The following SAE1 variants were observed in gnomAD, a reference collection of about 807,000 sequenced individuals.
SAE1 encodes SUMO1 activating enzyme subunit 1, also known as SUMO-activating enzyme subunit 1.
SAE1 carries 11 observed loss-of-function variants against 40.6 expected under a neutral mutation model. The ratio of observed to expected loss-of-function variants is 0.27; its 90% CI spans 0.17 to 0.45. The LOEUF (loss-of-function observed/expected upper bound fraction) is 0.45, where lower values mean the gene tolerates loss of function less well. Ranked by LOEUF, SAE1 falls within the 20% of genes least tolerant of loss-of-function variation. The pLI is 1.00. For synonymous variants in SAE1, 155 were observed against 154.3 expected (o/e 1.00, Z -0.03); for missense variants, 373 against 427.3 (o/e 0.87, Z 1.12).
At chr19:47,182,700 C>T (rs544944204) in intron 6 of SAE1, among the ~76,000 whole-genome samples, 6 of 152,044 alleles carry the variant, frequency 3.9e-5, no homozygotes, top group Admixed American at 6.6e-5. Context: ...CTCTGCTCCT[C>T]GGTCTGCAAG....
rs576513685 is a variant in SAE1 at position 47,161,353 on chromosome 19, T to C, written c.627+6140T>C. ...GACATTTAATGCACAAAAGAAGATA[T>C]GCAGCATCAATGCAGATAATGGAAC... On this transcript the variant is annotated intron_variant, in intron 5 of 8. Coordinates refer to ENST00000270225, the MANE Select transcript of SAE1 (RefSeq NM_005500.3). Among the ~76,000 whole-genome samples, 183 of 152,228 alleles carry C rather than the reference T, an allele frequency of 1.2e-3. 1 individual carries two copies. Among genetic ancestry groups the C allele is most frequent in the African/African-American group, 4.2e-3 (175 of 41,558 alleles).
chr19:47,195,109 C>A (rs1004385603), intron 6 of SAE1, among the ~76,000 whole-genome samples: 10 of 148,782 alleles, frequency 6.7e-5, no homozygotes, highest in Admixed American at 6.1e-4. Flanking sequence ...GGCTGGAGTT[C>A]AGTGGCACGA....
At chr19:47,197,616 A>G (rs771495508) in intron 7 of SAE1, among the ~76,000 whole-genome samples, 33 of 152,206 alleles carry the variant, frequency 2.2e-4, no homozygotes, top group Non-Finnish European at 3.5e-4. Context: ...ATTCAAGGCA[A>G]TGTAAGATCT....
At chr19:47,194,900 G>C (rs1436667027) in intron 6 of SAE1, among the ~76,000 whole-genome samples, 1 of 151,862 alleles carries the variant, frequency 6.6e-6, no homozygotes, top group Non-Finnish European at 1.5e-5. Context: ...GCGCCACCAC[G>C]CCTGGCTAAT....
At chr19:47,174,045 A>G (rs1371614488) in intron 6 of SAE1, among the ~76,000 whole-genome samples, 1 of 151,784 alleles carries the variant, frequency 6.6e-6, no homozygotes, top group African/African-American at 2.4e-5. Context: ...CGGCCTCCCA[A>G]AGTGCTGGGA....
intron 8 of SAE1, among the ~76,000 whole-genome samples, chr19:47,206,971 C>T (rs1396944074): frequency 6.6e-6 from 1 of 152,210 alleles, no homozygotes; most frequent in Non-Finnish European, 1.5e-5. Flanking sequence ...TAATGTCTAG[C>T]TGAATACCTG....
At chr19:47,133,788 GAT>G (rs1459126421) in intron 1 of SAE1, among the ~76,000 whole-genome samples, 1 of 152,064 alleles carries the variant, frequency 6.6e-6, no homozygotes, top group East Asian at 1.9e-4. Context: ...CATTTTGAAA[GAT>G]ATGGAGAGCT....
At chr19:47,140,439 A>G (rs1017873911) in intron 1 of SAE1, among the ~76,000 whole-genome samples, 1 of 151,976 alleles carries the variant, frequency 6.6e-6, no homozygotes, top group Middle Eastern at 3.4e-3. Context: ...TTTAGTAGAG[A>G]TGGGGTTTCA....
chr19:47,196,170 C>T (rs1277099751), intron 6 of SAE1, among the ~76,000 whole-genome samples: 3 of 150,398 alleles, frequency 2.0e-5, no homozygotes, highest in African/African-American at 7.3e-5. Flanking sequence ...CTCAGCCTTC[C>T]GAGTAGCTGG....
intron 6 of SAE1, among the ~76,000 whole-genome samples, chr19:47,196,171 G>A (rs1194681434): frequency 4.0e-5 from 6 of 148,520 alleles, no homozygotes; most frequent in South Asian, 2.2e-4. Context: ...TCAGCCTTCC[G>A]AGTAGCTGGG....
chr19:47,139,755 AT>A (rs780524600), intron 1 of SAE1, among the ~76,000 whole-genome samples: 1,805 of 125,124 alleles, frequency 0.014, 20 homozygotes, highest in African/African-American at 0.033. Context: ...CTCCCGGCCA[AT>A]TTTTTTTTTT....
intron 5 of SAE1, among the ~76,000 whole-genome samples, chr19:47,160,586 G>A (rs554256430): frequency 6.6e-6 from 1 of 151,966 alleles, no homozygotes; most frequent in South Asian, 2.1e-4. Flanking sequence ...TAGTAGAGAT[G>A]GGGTTTCACC....
intron 6 of SAE1, among the ~76,000 whole-genome samples, chr19:47,196,902 G>A (rs556541332): frequency 2.6e-5 from 4 of 152,036 alleles, no homozygotes; most frequent in Non-Finnish European, 4.4e-5. Context: ...AAAAAAGGTG[G>A]CCAGGTGCCG....
At chr19:47,192,993 T>C (rs2058589003) in intron 6 of SAE1, among the ~76,000 whole-genome samples, 1 of 151,690 alleles carries the variant, frequency 6.6e-6, no homozygotes, top group Non-Finnish European at 1.5e-5. Context: ...TCTACAAAAG[T>C]AGAAGTATTG....
At chr19:47,197,204 A>G in intron 6 of SAE1, 29 bp from the exon 7 acceptor site, 6 of 1,568,806 alleles carry the variant, frequency 3.8e-6, no homozygotes, top group South Asian at 3.6e-5. Context: ...AAGTGGCTTT[A>G]TAACCTGCCT....
chr19:47,191,676 A>G (rs1223417608), intron 6 of SAE1, among the ~76,000 whole-genome samples: 1 of 152,172 alleles, frequency 6.6e-6, no homozygotes, highest in African/African-American at 2.4e-5. Context: ...CACAAGCACC[A>G]ACTGTCACAA....
At chr19:47,205,315 G>A (rs1169494456) in intron 8 of SAE1, among the ~76,000 whole-genome samples, 1 of 126,946 alleles carries the variant, frequency 7.9e-6, no homozygotes, top group Non-Finnish European at 1.6e-5. Context: ...GTTTTCCTAA[G>A]GCTACTTTTT....
intron 5 of SAE1, among the ~76,000 whole-genome samples, chr19:47,161,817 G>A (rs1172418891): frequency 6.6e-6 from 1 of 152,130 alleles, no homozygotes; most frequent in Non-Finnish European, 1.5e-5. Context: ...GCAACACATA[G>A]AATTGCTTTG....
chr19:47,142,816 T>G (rs2058230147), intron 1 of SAE1, among the ~76,000 whole-genome samples: 1 of 152,224 alleles, frequency 6.6e-6, no homozygotes, highest in Non-Finnish European at 1.5e-5. Context: ...CAGAAAGGCT[T>G]GTATGATTTC....
Sources: gnomAD v4.1 joint callset for allele counts (sites outside exome capture counted in the v4.1 genomes callset) on GRCh38, gnomAD v4.1.1 for gene constraint, MANE v1.5 for transcripts, NCBI Gene and HGNC (gene_info 2026-07-23, HGNC 2026-07-21) for gene names.